TRAPPC9: variants seen among roughly 807,000 people sequenced by gnomAD.
TRAPPC9 encodes trafficking protein particle complex subunit 9.
TRAPPC9 carries 83 observed loss-of-function variants against 124.0 expected under a neutral mutation model. That is an observed-to-expected ratio of 0.67 (90% CI 0.56 to 0.80). The LOEUF is 0.80. TRAPPC9 is among the 30% of genes least tolerant of loss of function. TRAPPC9 has a pLI of 0.00. For missense variants in TRAPPC9, 1,302 were observed against 1,508.3 expected (o/e 0.86, Z 2.27); for synonymous variants, 638 against 617.5 (o/e 1.03, Z -0.49).
In TRAPPC9 at chr8:140,419,450, AAACAAAAC is replaced by A. The variant is rs529895326; in HGVS notation, c.886+7157_886+7164del. The stretch of plus-strand genomic sequence containing the variant: ...TCTCAAAAAAAAAAAAAAAAAAAAA[AAACAAAAC>A]AAAACAAAAAACGAGGCATAGAAGG... On this transcript the variant is annotated intron_variant, in intron 5 of 22. Transcript: ENST00000438773. Among the ~76,000 whole-genome samples, 440 of 140,144 alleles carry A rather than the reference AAACAAAAC, an allele frequency of 3.1e-3. 4 individuals are homozygous for A. The highest frequency in any genetic ancestry group is 0.011 in the African/African-American group (383 of 35,942). 91.9% of individuals were successfully genotyped at this position (140,144 alleles called of 152,430 possible).
chr8:140,251,359 C>T (rs1195135790), intron 16 of TRAPPC9, among the ~76,000 whole-genome samples: 1 of 152,168 alleles, frequency 6.6e-6, no homozygotes, highest in Non-Finnish European at 1.5e-5. Flanking sequence ...GGGATAAAGC[C>T]GTTTACACAC....
intron 17 of TRAPPC9, among the ~76,000 whole-genome samples, chr8:140,173,406 T>C (rs1002081513): frequency 2.6e-5 from 4 of 151,796 alleles, no homozygotes; most frequent in Non-Finnish European, 4.4e-5. Context: ...TACAAGAAAT[T>C]AGCCAGGCTT....
At chr8:140,193,621 A>AG (rs1491149384) in intron 17 of TRAPPC9, among the ~76,000 whole-genome samples, 2 of 75,014 alleles carry the variant, frequency 2.7e-5, no homozygotes, top group African/African-American at 9.6e-5. Context: ...TTGTACTTTC[A>AG]GAAAAAAAAA....
chr8:140,433,552 T>C (rs571411663), intron 4 of TRAPPC9, among the ~76,000 whole-genome samples: 2 of 152,216 alleles, frequency 1.3e-5, no homozygotes, highest in South Asian at 4.1e-4. Context: ...ATTGAGCCAC[T>C]GCACTCCAGC....
intron 21 of TRAPPC9, among the ~76,000 whole-genome samples, chr8:139,803,385 G>A (rs1322612958): frequency 2.6e-5 from 4 of 152,230 alleles, no homozygotes; most frequent in African/African-American, 9.6e-5. Context: ...CTGCCTAGGA[G>A]AAGGGATACA....
At chr8:140,433,416 G>A (rs1273478029) in intron 4 of TRAPPC9, among the ~76,000 whole-genome samples, 1 of 151,918 alleles carries the variant, frequency 6.6e-6, no homozygotes, top group East Asian at 1.9e-4. Flanking sequence ...TGGTGAAACC[G>A]CATCTCTACT....
At chr8:139,948,124 G>A (rs1341254138) in intron 19 of TRAPPC9, among the ~76,000 whole-genome samples, 2 of 151,566 alleles carry the variant, frequency 1.3e-5, no homozygotes, top group Admixed American at 6.6e-5. Context: ...GGGTCCTTGA[G>A]TATTAGGTTC....
intron 9 of TRAPPC9, among the ~76,000 whole-genome samples, chr8:140,357,749 C>T (rs1219627037): frequency 6.6e-6 from 1 of 152,184 alleles, no homozygotes; most frequent in African/African-American, 2.4e-5. Flanking sequence ...CTGCTGCTCC[C>T]TCCCGTCACC....
chr8:140,038,060 G>T (rs1449777756), intron 17 of TRAPPC9, among the ~76,000 whole-genome samples: 1 of 150,532 alleles, frequency 6.6e-6, no homozygotes, highest in Non-Finnish European at 1.5e-5. Flanking sequence ...ACTCTCTCTG[G>T]TACTCCCTGC....
chr8:140,454,016 C>T (rs1004019221), intron 1 of TRAPPC9, among the ~76,000 whole-genome samples: 2 of 152,178 alleles, frequency 1.3e-5, no homozygotes, highest in East Asian at 1.9e-4. Flanking sequence ...CGGCCAGACA[C>T]GGTGGCTCAC....
intron 20 of TRAPPC9, among the ~76,000 whole-genome samples, chr8:139,909,175 A>G (rs1287779512): frequency 1.3e-5 from 2 of 152,216 alleles, no homozygotes; most frequent in Non-Finnish European, 2.9e-5. Flanking sequence ...GTGTATCCCC[A>G]TATCTGCAGA....
chr8:140,037,910 A>ACACACC (rs991517273), intron 17 of TRAPPC9, among the ~76,000 whole-genome samples: 1 of 129,106 alleles, frequency 7.7e-6, no homozygotes, highest in African/African-American at 2.6e-5. Flanking sequence ...ACACACACAC[A>ACACACC]CCCCAGAGCT....
At chr8:140,392,208 A>G (rs1237030944) in intron 7 of TRAPPC9, among the ~76,000 whole-genome samples, 1 of 152,192 alleles carries the variant, frequency 6.6e-6, no homozygotes, top group Non-Finnish European at 1.5e-5. Flanking sequence ...CATCCTTAAA[A>G]TGGAGCGTAA....
chr8:140,225,955 CA>C (rs1173675913), intron 16 of TRAPPC9, among the ~76,000 whole-genome samples: 6 of 152,188 alleles, frequency 3.9e-5, no homozygotes, highest in Non-Finnish European at 8.8e-5. Flanking sequence ...TTGGAAATAC[CA>C]ATCCTATTTT....
chr8:140,029,479 T>G (rs1237243138), intron 17 of TRAPPC9, among the ~76,000 whole-genome samples: 1 of 152,170 alleles, frequency 6.6e-6, no homozygotes, highest in Non-Finnish European at 1.5e-5. Flanking sequence ...TCCTCCAGCC[T>G]GGGCGACAGA....
intron 21 of TRAPPC9, among the ~76,000 whole-genome samples, chr8:139,856,172 G>A (rs534787838): frequency 7.9e-5 from 12 of 152,296 alleles, no homozygotes; most frequent in Non-Finnish European, 1.6e-4. Flanking sequence ...CGTGCTCTCA[G>A]CCAGGGCCCC....
At chr8:140,078,548 C>T (rs746115680) in intron 17 of TRAPPC9, among the ~76,000 whole-genome samples, 1 of 152,042 alleles carries the variant, frequency 6.6e-6, no homozygotes, top group Non-Finnish European at 1.5e-5. Context: ...AAAAGAGCTT[C>T]CTAGGTGGGG....
chr8:139,735,647 C>A (rs971965650), intron 21 of TRAPPC9, among the ~76,000 whole-genome samples: 1 of 150,652 alleles, frequency 6.6e-6, no homozygotes, highest in African/African-American at 2.5e-5. Flanking sequence ...GGCTCAGTAC[C>A]ACCCTGCCCT....
intron 19 of TRAPPC9, 126 bp from the exon 20 acceptor site, chr8:139,910,426 G>T: frequency 9.7e-7 from 1 of 1,031,702 alleles, no homozygotes; most frequent in Non-Finnish European, 1.5e-6. Context: ...ATTCATAACG[G>T]ATTCATTCCA....
Sources: allele counts gnomAD v4.1 joint callset (sites outside exome capture counted in the v4.1 genomes callset), GRCh38; gene constraint gnomAD v4.1.1; transcripts MANE v1.5; gene names NCBI Gene and HGNC (gene_info 2026-07-23, HGNC 2026-07-21).